Variants in MECOM observed in about 807,000 individuals in gnomAD.
The protein encoded by MECOM is histone-lysine N-methyltransferase MECOM.
A neutral mutation model predicts 116.3 loss-of-function variants in MECOM; 13 were observed. The ratio of observed to expected loss-of-function variants is 0.11; its 90% CI spans 0.07 to 0.18. MECOM has a LOEUF of 0.18. MECOM is among the 10% of genes least tolerant of loss of function. The pLI is 1.00. For missense variants in MECOM, 1,299 were observed against 1,509.0 expected (o/e 0.86, Z 2.31); for synonymous variants, 528 against 535.2 (o/e 0.99, Z 0.19).
intron 9 of MECOM, among the ~76,000 whole-genome samples, chr3:169,110,798 GCAATAGGGAATCCCTTACAC>G (rs1340283660): frequency 1.3e-5 from 2 of 152,144 alleles, no homozygotes; most frequent in African/African-American, 4.8e-5. Flanking sequence ...GCAACATGCA[GCAATAGGGAATCCCTTACAC>G]CAAGACGTGA....
intron 15 of MECOM, among the ~76,000 whole-genome samples, chr3:169,089,430 C>T (rs750630173): frequency 6.6e-6 from 1 of 152,070 alleles, no homozygotes; most frequent in Non-Finnish European, 1.5e-5. Context: ...AAGTCAGTGA[C>T]ACATTAGTCA....
At chr3:169,652,298 C>G (rs751196499) in intron 1 of MECOM, among the ~76,000 whole-genome samples, 2 of 152,148 alleles carry the variant, frequency 1.3e-5, no homozygotes, top group Non-Finnish European at 2.9e-5. Flanking sequence ...TCCCTCCATT[C>G]GTTTTTATTA....
In MECOM at chr3:169,626,197, T is replaced by C. The variant is rs560001620; in HGVS notation, c.37+37139A>G. Among the ~76,000 whole-genome samples the C allele has an allele frequency of 7.2e-5, 11 of 152,348 alleles. No homozygotes were observed. In the South Asian group the frequency reaches 2.3e-3, roughly 32 times the overall value. The stretch of plus-strand genomic sequence containing the variant: ...GTTTATAACAGCAGCTGTATCTGTT[T>C]GCATTTGTGGTGTAACTTATCCTCA... On this transcript the variant is annotated intron_variant, in intron 1 of 16. Transcript: ENST00000651503.
intron 1 of MECOM, among the ~76,000 whole-genome samples, chr3:169,546,466 C>T (rs531630978): frequency 1.8e-4 from 28 of 152,284 alleles, no homozygotes; most frequent in African/African-American, 6.5e-4. Flanking sequence ...CTCCCCTCAC[C>T]TAACATATGA....
At chr3:169,616,108 T>TC (rs1169380872) in intron 1 of MECOM, among the ~76,000 whole-genome samples, 1 of 152,094 alleles carries the variant, frequency 6.6e-6, no homozygotes, top group African/African-American at 2.4e-5. Flanking sequence ...TGGCTGGTTC[T>TC]CCCCCAGGAG....
chr3:169,504,876 T>C (rs1755002899), intron 1 of MECOM, among the ~76,000 whole-genome samples: 1 of 152,208 alleles, frequency 6.6e-6, no homozygotes, highest in Non-Finnish European at 1.5e-5. Context: ...AACATAAGCA[T>C]ATAAATAAAA....
chr3:169,203,289 G>C (rs140924335), intron 2 of MECOM, among the ~76,000 whole-genome samples: 181 of 152,162 alleles, frequency 1.2e-3, no homozygotes, highest in African/African-American at 4.0e-3. Flanking sequence ...GCTAAATGCA[G>C]CCCTTTTGAA....
intron 6 of MECOM, among the ~76,000 whole-genome samples, chr3:169,121,476 G>A (rs3851379): frequency 0.59 from 90,186 of 151,926 alleles, 26,969 homozygotes; most frequent in Admixed American, 0.67. Flanking sequence ...CATATTCAAG[G>A]CCTTTTTGAT....
chr3:169,457,241 G>T (rs769418728), intron 1 of MECOM, among the ~76,000 whole-genome samples: 3 of 152,108 alleles, frequency 2.0e-5, no homozygotes, highest in African/African-American at 7.2e-5. Context: ...CCCATGGATG[G>T]GGCAGCGCTT....
At chr3:169,461,700 A>G (rs1412382648) in intron 1 of MECOM, among the ~76,000 whole-genome samples, 3 of 152,164 alleles carry the variant, frequency 2.0e-5, no homozygotes, top group Admixed American at 6.6e-5. Flanking sequence ...TTATAGACGC[A>G]TATAAGTTAA....
chr3:169,339,882 C>G lies in MECOM; in HGVS notation c.375+41305G>C, dbSNP rs531052808. ...AAATTTTATATTGTCTAAAGTGAGT[C>G]AAATATATGATGTGGGGGGAAGTGG... On this transcript the variant is annotated intron_variant, in intron 2 of 16. Coordinates refer to ENST00000651503, the MANE Select transcript of MECOM (RefSeq NM_004991.4). Among the ~76,000 whole-genome samples, 87 of 152,154 alleles carry G rather than the reference C, an allele frequency of 5.7e-4. 1 individual carries two copies. The South Asian group carries it at 0.016, about 28-fold the overall frequency.
At chr3:169,478,889 T>C (rs1036560188) in intron 1 of MECOM, among the ~76,000 whole-genome samples, 10 of 152,222 alleles carry the variant, frequency 6.6e-5, no homozygotes, top group African/African-American at 2.2e-4. Context: ...CCAGCAGTTA[T>C]TGATGTGGAA....
intron 1 of MECOM, among the ~76,000 whole-genome samples, chr3:169,568,561 G>A (rs1330819762): frequency 6.6e-6 from 1 of 152,166 alleles, no homozygotes; most frequent in Admixed American, 6.5e-5. Context: ...ACTGAGGCTG[G>A]AGTAGGAAGT....
intron 2 of MECOM, among the ~76,000 whole-genome samples, chr3:169,244,471 C>T (rs1453360063): frequency 6.6e-6 from 1 of 152,158 alleles, no homozygotes; most frequent in South Asian, 2.1e-4. Flanking sequence ...CAGCCACAGG[C>T]GATCTAATTT....
intron 1 of MECOM, among the ~76,000 whole-genome samples, chr3:169,540,046 A>G (rs548846255): frequency 1.3e-4 from 20 of 152,166 alleles, no homozygotes; most frequent in Non-Finnish European, 2.4e-4. Flanking sequence ...TTCCGTCCTT[A>G]TCACACTGCT....
rs191282024 is a variant in MECOM, at chr3:169,314,971, G to T, written c.375+66216C>A. Among the ~76,000 whole-genome samples, 408 of 152,294 alleles carry T rather than the reference G, an allele frequency of 2.7e-3. 3 individuals are homozygous for T. The highest frequency in any genetic ancestry group is 9.0e-3 in the African/African-American group (376 of 41,548). On this transcript the variant is annotated intron_variant, in intron 2 of 16. Transcript: ENST00000651503. The stretch of plus-strand genomic sequence containing the variant: ...GTAACTACTATGTGGAAAACACTGT[G>T]CAGGGCCCTGTGTAGTTCCCATGCC...
At position 169,174,992 on chromosome 3, in the gene MECOM, G is replaced by T. The variant is rs1342133887; in HGVS notation, c.376-31160C>A. Among the ~76,000 whole-genome samples, 4 of 152,214 alleles carry T rather than the reference G, an allele frequency of 2.6e-5. No homozygotes were observed. The East Asian group carries it at 5.8e-4, about 22-fold the overall frequency. Reference sequence around the variant, plus strand: ...TTGATTGCCTTTTTTGTCAATCGGGGTGGGTATTTACCCATCTGGTATAGA... The same window carrying T: ...TTGATTGCCTTTTTTGTCAATCGGGTTGGGTATTTACCCATCTGGTATAGA... On this transcript the variant is annotated intron_variant, in intron 2 of 16. Transcript: ENST00000651503.
chr3:169,491,691 C>A (rs1336571142), intron 1 of MECOM, among the ~76,000 whole-genome samples: 2 of 152,138 alleles, frequency 1.3e-5, no homozygotes, highest in African/African-American at 2.4e-5. Flanking sequence ...ACCAGAGCCA[C>A]GTACCAACAA....
At chr3:169,218,648 A>G (rs1751720011) in intron 2 of MECOM, among the ~76,000 whole-genome samples, 1 of 152,212 alleles carries the variant, frequency 6.6e-6, no homozygotes, top group Non-Finnish European at 1.5e-5. Flanking sequence ...TGAATACTGT[A>G]TCCAATTAGG....
Sources: gnomAD v4.1 joint callset for allele counts (sites outside exome capture counted in the v4.1 genomes callset) on GRCh38, gnomAD v4.1.1 for gene constraint, MANE v1.5 for transcripts, NCBI Gene and HGNC (gene_info 2026-07-23, HGNC 2026-07-21) for gene names.